The following TRAK1 variants were observed in gnomAD, a reference collection of about 807,000 sequenced individuals.
TRAK1 encodes the protein trafficking kinesin-binding protein 1.
Under a neutral mutation model 92.1 loss-of-function variants are expected in TRAK1, and 33 were observed. The ratio of observed to expected loss-of-function variants is 0.36; its 90% CI spans 0.27 to 0.48. The LOEUF (loss-of-function observed/expected upper bound fraction) is 0.48. TRAK1 is among the 20% of genes least tolerant of loss of function. The pLI, the probability that TRAK1 is intolerant of heterozygous loss-of-function variation, is 0.99. For synonymous variants in TRAK1, 521 were observed against 517.3 expected, an observed-to-expected ratio of 1.01 and a Z score of -0.10; for missense variants, 1,123 against 1,257.9, an observed-to-expected ratio of 0.89 and a Z score of 1.62.
chr3:42,097,670 C>T (rs1260752078), intron 1 of TRAK1, among the ~76,000 whole-genome samples: 1 of 152,200 alleles, frequency 6.6e-6, no homozygotes, highest in Non-Finnish European at 1.5e-5. Flanking sequence ...TTTATACTTT[C>T]CTTTCCATCC....
At chr3:42,056,413 A>G (rs1445208040) in intron 1 of TRAK1, among the ~76,000 whole-genome samples, 1 of 152,088 alleles carries the variant, frequency 6.6e-6, no homozygotes, top group Non-Finnish European at 1.5e-5. Context: ...TATGGTTTTG[A>G]TTTGCATTTT....
chr3:42,018,259 C>T (rs1701602678), intron 1 of TRAK1, among the ~76,000 whole-genome samples: 2 of 49,176 alleles, frequency 4.1e-5, no homozygotes, highest in Non-Finnish European at 1.0e-4. Flanking sequence ...CAGAGCGAGA[C>T]CCCATCTAAA....
chr3:42,145,391 C>G (rs1045149426), intron 2 of TRAK1, among the ~76,000 whole-genome samples: 4 of 151,050 alleles, frequency 2.6e-5, no homozygotes, highest in African/African-American at 9.8e-5. Context: ...GAGGCCGAGG[C>G]ATGAGAATCC....
At position 42,125,692 on chromosome 3, in the gene TRAK1, G is replaced by A. The variant is rs796998859; in HGVS notation, c.286+78G>A. The A allele has an allele frequency of 3.3e-6, 5 of 1,509,492 alleles. No homozygotes were observed. In the Admixed American group the frequency reaches 7.1e-5, roughly 21 times the overall value. The allele number at this position is 1,509,492 out of a possible 1,614,324, so 93.5% of individuals were successfully genotyped here. On this transcript the variant is annotated intron_variant, in intron 2 of 15. Coordinates refer to ENST00000327628, the MANE Select transcript of TRAK1 (RefSeq NM_001042646.3). ...TAGCCATGGCCCCAAATAAGATCTT[G>A]TACTGGCTACCCTGTGATGTGGCTT...
intron 2 of TRAK1, among the ~76,000 whole-genome samples, chr3:42,158,960 A>AT (rs1359066252): frequency 2.2e-5 from 2 of 90,218 alleles, no homozygotes; most frequent in South Asian, 3.7e-4. Flanking sequence ...CTCTGTCTCA[A>AT]AAATAATAAT....
chr3:42,076,534 G>A (rs1704170450), intron 1 of TRAK1, among the ~76,000 whole-genome samples: 1 of 152,084 alleles, frequency 6.6e-6, no homozygotes, highest in Non-Finnish European at 1.5e-5. Flanking sequence ...CCAGATATTA[G>A]ACTTTTATCA....
intron 1 of TRAK1, among the ~76,000 whole-genome samples, chr3:42,115,121 G>T (rs747817626): frequency 5.3e-5 from 8 of 152,104 alleles, no homozygotes; most frequent in Non-Finnish European, 1.0e-4. Flanking sequence ...TCTATTTTTT[G>T]AGTATTCTCC....
intron 1 of TRAK1, among the ~76,000 whole-genome samples, chr3:42,031,860 A>G (rs1358754315): frequency 6.6e-6 from 1 of 152,108 alleles, no homozygotes; most frequent in African/African-American, 2.4e-5. Flanking sequence ...GGGACCAGGG[A>G]GAGTATAAAA....
intron 2 of TRAK1, among the ~76,000 whole-genome samples, chr3:42,157,489 A>AAG (rs1553739632): frequency 5.5e-5 from 8 of 144,724 alleles, no homozygotes; most frequent in Non-Finnish European, 1.2e-4. Context: ...AAAAAAAAAA[A>AAG]GGTTAACATT....
intron 1 of TRAK1, among the ~76,000 whole-genome samples, chr3:42,061,180 C>T (rs1703423816): frequency 6.6e-6 from 1 of 152,068 alleles, no homozygotes; most frequent in Admixed American, 6.5e-5. Flanking sequence ...ACACCCTTGA[C>T]CCAGCTTCCT....
chr3:42,204,598 T>C (rs931071258), intron 13 of TRAK1, among the ~76,000 whole-genome samples: 1 of 152,194 alleles, frequency 6.6e-6, no homozygotes, highest in Non-Finnish European at 1.5e-5. Context: ...ATGTATTTAG[T>C]TTTTGAAACA....
intron 1 of TRAK1, among the ~76,000 whole-genome samples, chr3:42,066,803 G>C (rs1268527881): frequency 1.3e-5 from 2 of 152,072 alleles, no homozygotes; most frequent in Non-Finnish European, 2.9e-5. Flanking sequence ...TGACTGTTTG[G>C]ACCCGTTTCC....
At chr3:42,134,952 G>C (rs898935679) in intron 2 of TRAK1, among the ~76,000 whole-genome samples, 1 of 151,692 alleles carries the variant, frequency 6.6e-6, no homozygotes, top group African/African-American at 2.4e-5. Context: ...ATAGCTTACT[G>C]CAGCCTCGAA....
chr3:42,132,387 C>T (rs549572163), intron 2 of TRAK1, among the ~76,000 whole-genome samples: 1 of 151,480 alleles, frequency 6.6e-6, no homozygotes, highest in Non-Finnish European at 1.5e-5. Flanking sequence ...CCTCAGCCCC[C>T]CAGTAGTTGG....
intron 1 of TRAK1, among the ~76,000 whole-genome samples, chr3:42,060,751 C>T (rs1410254512): frequency 6.6e-6 from 1 of 151,830 alleles, no homozygotes; most frequent in East Asian, 1.9e-4. Context: ...CCTCAGCCTC[C>T]TGAGTAACTG....
At chr3:42,111,695 C>T (rs1221456556) in intron 1 of TRAK1, among the ~76,000 whole-genome samples, 1 of 152,004 alleles carries the variant, frequency 6.6e-6, no homozygotes, top group African/African-American at 2.4e-5. Flanking sequence ...GCGCCCAGCC[C>T]TAGTTATGGT....
chr3:42,085,354 A>G (rs1384042662), upstream of TRAK1, among the ~76,000 whole-genome samples: 1 of 152,142 alleles, frequency 6.6e-6, no homozygotes, highest in East Asian at 1.9e-4. Context: ...TTTTTAGCAG[A>G]GATGGGGTTT....
intron 14 of TRAK1, among the ~76,000 whole-genome samples, chr3:42,213,400 C>A (rs937735417): frequency 1.3e-5 from 2 of 152,212 alleles, no homozygotes; most frequent in African/African-American, 2.4e-5. Flanking sequence ...AAAAAACACA[C>A]TTGGCTAAAA....
intron 14 of TRAK1, among the ~76,000 whole-genome samples, chr3:42,216,950 A>G (rs889297572): frequency 2.6e-5 from 4 of 152,206 alleles, no homozygotes; most frequent in Non-Finnish European, 5.9e-5. Flanking sequence ...GGATGAACAC[A>G]TAATACCATC....
Sources: gnomAD v4.1 joint callset for allele counts (sites outside exome capture counted in the v4.1 genomes callset) on GRCh38, gnomAD v4.1.1 for gene constraint, MANE v1.5 for transcripts, NCBI Gene and HGNC (gene_info 2026-07-23, HGNC 2026-07-21) for gene names.